The following EIPR1 variants were observed in gnomAD, a reference collection of about 807,000 sequenced individuals.
EIPR1 encodes EARP complex and GARP complex interacting protein 1.
Under a neutral mutation model 48.1 loss-of-function variants are expected in EIPR1, and 25 were observed. The observed-to-expected ratio is 0.52, with a 90% CI of 0.38 to 0.73. EIPR1 has a LOEUF of 0.73. EIPR1 is among the 30% of genes least tolerant of loss of function. The probability of loss-of-function intolerance (pLI) is 0.00; values close to 1 mark genes in which losing one functional copy is unlikely to be tolerated. For missense variants in EIPR1, 415 were observed against 506.2 expected (o/e 0.82, Z 1.73); for synonymous variants, 204 against 201.9 (o/e 1.01, Z -0.09).
chr2:3,317,485 G>T (rs1173018418), intron 3 of EIPR1, among the ~76,000 whole-genome samples: 1 of 152,056 alleles, frequency 6.6e-6, no homozygotes, highest in African/African-American at 2.4e-5. Flanking sequence ...TGCCTCACAT[G>T]CGGGGTGGAG....
chr2:3,236,446 C>T (rs943808614), intron 4 of EIPR1, among the ~76,000 whole-genome samples: 1 of 152,184 alleles, frequency 6.6e-6, no homozygotes, highest in Non-Finnish European at 1.5e-5. Context: ...TGACTTCACT[C>T]AGGAGGAGGA....
At chr2:3,313,370 A>C (rs936534968) in intron 3 of EIPR1, among the ~76,000 whole-genome samples, 2 of 152,108 alleles carry the variant, frequency 1.3e-5, no homozygotes, top group African/African-American at 4.8e-5. Context: ...GAGTTAAAAA[A>C]GTGGGTGGGG....
chr2:3,203,897 C>T (rs1042965181), intron 5 of EIPR1, among the ~76,000 whole-genome samples: 4 of 152,232 alleles, frequency 2.6e-5, no homozygotes, highest in Non-Finnish European at 5.9e-5. Flanking sequence ...GGAGCCACAT[C>T]CGACCAGCAG....
intron 3 of EIPR1, among the ~76,000 whole-genome samples, chr2:3,276,651 G>A (rs1353541899): frequency 6.6e-6 from 1 of 152,200 alleles, no homozygotes; most frequent in Non-Finnish European, 1.5e-5. Context: ...AACTGGTTTT[G>A]AAAAAGTATA....
At chr2:3,352,050 A>G (rs966969766) in intron 2 of EIPR1, among the ~76,000 whole-genome samples, 3 of 146,294 alleles carry the variant, frequency 2.1e-5, no homozygotes, top group Non-Finnish European at 3.0e-5. Flanking sequence ...TTTGATCAGC[A>G]TATCCATGCT....
At chr2:3,302,329 C>T (rs1668786454) in intron 3 of EIPR1, among the ~76,000 whole-genome samples, 1 of 151,972 alleles carries the variant, frequency 6.6e-6, no homozygotes, top group African/African-American at 2.4e-5. Flanking sequence ...CCTGTCTCTA[C>T]AAAAAATTTA....
intron 3 of EIPR1, among the ~76,000 whole-genome samples, chr2:3,289,816 G>A (rs747445508): frequency 1.1e-4 from 17 of 152,288 alleles, no homozygotes; most frequent in Non-Finnish European, 2.2e-4. Flanking sequence ...GGGGCTTCCC[G>A]TCTCAACAGA....
chr2:3,250,952 T>A (rs535510075), intron 4 of EIPR1, among the ~76,000 whole-genome samples: 16 of 152,196 alleles, frequency 1.1e-4, no homozygotes, highest in South Asian at 4.2e-4. Flanking sequence ...TTTTTTTTTT[T>A]AATAAATTAT....
chr2:3,303,659 C>T (rs946083385), intron 3 of EIPR1, among the ~76,000 whole-genome samples: 2 of 152,230 alleles, frequency 1.3e-5, no homozygotes, highest in Admixed American at 1.3e-4. Flanking sequence ...AAGACTACTC[C>T]AAAGATAAGG....
intron 5 of EIPR1, among the ~76,000 whole-genome samples, chr2:3,210,060 T>G (rs1376191953): frequency 1.3e-5 from 2 of 151,980 alleles, no homozygotes; most frequent in African/African-American, 4.8e-5. Context: ...TATGGGTTAA[T>G]CAGTGATAAC....
At chr2:3,195,899 G>T (rs1332581671) in intron 6 of EIPR1, among the ~76,000 whole-genome samples, 1 of 152,166 alleles carries the variant, frequency 6.6e-6, no homozygotes, top group Non-Finnish European at 1.5e-5. Context: ...AAAGCCACGG[G>T]CATCTTTTTG....
At chr2:3,300,472 A>C (rs953317258) in intron 3 of EIPR1, among the ~76,000 whole-genome samples, 17 of 152,070 alleles carry the variant, frequency 1.1e-4, no homozygotes, top group African/African-American at 4.1e-4. Flanking sequence ...TTGCTCCCTA[A>C]AAAGCCTGGA....
chr2:3,208,845 C>T, intron 5 of EIPR1: 1 of 1,549,548 alleles, frequency 6.5e-7, no homozygotes, highest in Non-Finnish European at 8.7e-7. Context: ...GTGTCTGGGG[C>T]CATCCCTGTT....
intron 5 of EIPR1, among the ~76,000 whole-genome samples, chr2:3,210,051 A>G (rs4854106): frequency 0.92 from 139,970 of 152,180 alleles, 64,633 homozygotes; most frequent in East Asian, 0.98. Context: ...ATGTGCCCGT[A>G]TGGGTTAATC....
chr2:3,357,813 CAG>C (rs61187471), intron 1 of EIPR1, among the ~76,000 whole-genome samples: 28,370 of 151,858 alleles, frequency 0.19, 3,747 homozygotes, highest in East Asian at 0.41. Flanking sequence ...TTTCTTTTAA[CAG>C]AGTCCGTGAG....
intron 3 of EIPR1, among the ~76,000 whole-genome samples, chr2:3,270,411 G>A (rs1406199944): frequency 6.6e-6 from 1 of 152,194 alleles, no homozygotes; most frequent in African/African-American, 2.4e-5. Context: ...GCGTCTCCAT[G>A]CGGCGGTGGT....
At chr2:3,285,926 G>A (rs1017990447) in intron 3 of EIPR1, among the ~76,000 whole-genome samples, 3 of 151,580 alleles carry the variant, frequency 2.0e-5, no homozygotes, top group African/African-American at 7.3e-5. Context: ...GTCACCGACT[G>A]TCGCCGGGAC....
At chr2:3,218,203 C>A (rs1343879469) in intron 4 of EIPR1, among the ~76,000 whole-genome samples, 1 of 149,490 alleles carries the variant, frequency 6.7e-6, no homozygotes, top group Non-Finnish European at 1.5e-5. Context: ...CGCTCTAGAG[C>A]TTTCACAGTG....
intron 4 of EIPR1, among the ~76,000 whole-genome samples, chr2:3,232,928 TC>T (rs1266604336): frequency 7.0e-6 from 1 of 142,094 alleles, no homozygotes. Context: ...GAAGTTCTCC[TC>T]TGAGTAAAAC....
Sources: allele counts gnomAD v4.1 joint callset (sites outside exome capture counted in the v4.1 genomes callset), GRCh38; gene constraint gnomAD v4.1.1; transcripts MANE v1.5; gene names NCBI Gene and HGNC (gene_info 2026-07-23, HGNC 2026-07-21).